The following DOCK5 variants were observed in gnomAD, a reference collection of about 807,000 sequenced individuals.
DOCK5 encodes the protein dedicator of cytokinesis protein 5.
Under a neutral mutation model 251.8 loss-of-function variants are expected in DOCK5, and 142 were observed. The observed-to-expected ratio is 0.56, with a 90% CI of 0.49 to 0.65. The LOEUF (loss-of-function observed/expected upper bound fraction) is 0.65. Ranked by LOEUF, DOCK5 falls within the 30% of genes least tolerant of loss-of-function variation. The pLI, the probability that DOCK5 is intolerant of heterozygous loss-of-function variation, is 0.00. For synonymous variants in DOCK5, 842 were observed against 835.5 expected, an observed-to-expected ratio of 1.01 and a Z score of -0.13; for missense variants, 2,111 against 2,312.3, an observed-to-expected ratio of 0.91 and a Z score of 1.79.
At chr8:25,287,225 G>A (rs79406778) in intron 5 of DOCK5, among the ~76,000 whole-genome samples, 5,429 of 152,220 alleles carry the variant, frequency 0.036, 341 homozygotes, top group African/African-American at 0.12. Flanking sequence ...TCAGAAGTTC[G>A]AGGCCAGCCT....
At chr8:25,390,111 G>A (rs1395731391) in intron 41 of DOCK5, 95 bp from the exon 42 acceptor site, 1 of 1,009,702 alleles carries the variant, frequency 9.9e-7, no homozygotes, top group Non-Finnish European at 1.4e-6. Flanking sequence ...TGGTGCTGGT[G>A]GCATTTCCGG....
At chr8:25,292,558 A>G (rs1232261856) in intron 6 of DOCK5, among the ~76,000 whole-genome samples, 2 of 152,180 alleles carry the variant, frequency 1.3e-5, no homozygotes, top group African/African-American at 2.4e-5. Flanking sequence ...GAACCAGCCC[A>G]GACAACATAG....
intron 27 of DOCK5, among the ~76,000 whole-genome samples, chr8:25,357,404 G>C (rs936589477): frequency 2.3e-5 from 3 of 131,670 alleles, no homozygotes; most frequent in Non-Finnish European, 1.6e-5. Flanking sequence ...TTTGAGACAG[G>C]CTCTGGCTCT....
In DOCK5 at chr8:25,391,969, A is replaced by C. The variant is rs1003190580; in HGVS notation, c.4429A>C (p.Asn1477His). Residue 1477 changes from asparagine (N) to histidine (H), a missense_variant, in exon 43 of 52, where the codon AAT becomes CAT. Coordinates refer to ENST00000276440, the MANE Select transcript of DOCK5 (RefSeq NM_024940.8). ...CCGGAAAGGAGAAAAGGATCCAGAC[A>C]ATGAATTTGCTGTGAGTTCACCCCT... is the stretch of plus-strand genomic sequence containing the variant. Reference protein sequence around the residue: ...PFRKGEKDPDNEFATMWIERT... With the variant: ...PFRKGEKDPDHEFATMWIERT... 2.5e-6 allele frequency: 4 copies of C among 1,613,732 alleles called. No individual in the cohort carries two copies. Among genetic ancestry groups the C allele is most frequent in the Non-Finnish European group, 3.4e-6 (4 of 1,179,766 alleles).
intron 13 of DOCK5, among the ~76,000 whole-genome samples, chr8:25,316,304 A>AC (rs1208867317): frequency 2.0e-5 from 3 of 152,022 alleles, no homozygotes; most frequent in Non-Finnish European, 4.4e-5. Context: ...ATGTAGTGAG[A>AC]CCCCTTCTCT....
At chr8:25,396,762 CCGTGTGTGTGTGTGTG>C (rs1363060618) in intron 45 of DOCK5, among the ~76,000 whole-genome samples, 1 of 87,244 alleles carries the variant, frequency 1.1e-5, no homozygotes, top group Non-Finnish European at 2.4e-5. Flanking sequence ...ACTCTTGTGT[CCGTGTGTGTGTGTGTG>C]TGTGTGTGTG....
chr8:25,232,717 T>A (rs1350313169), intron 1 of DOCK5, among the ~76,000 whole-genome samples: 1 of 152,144 alleles, frequency 6.6e-6, no homozygotes, highest in Non-Finnish European at 1.5e-5. Flanking sequence ...AAAGCCCACC[T>A]CCTAATACCT....
chr8:25,268,921 A>G (rs1222613458), intron 3 of DOCK5, 36 bp downstream of exon 3: 1 of 1,508,358 alleles, frequency 6.6e-7, no homozygotes, highest in East Asian at 2.5e-5. Context: ...TTTCATTTGA[A>G]ATCTGTCTGC....
intron 4 of DOCK5, 89 bp from the exon 5 acceptor site, chr8:25,278,480 A>C (rs1214994603): frequency 7.6e-7 from 1 of 1,314,662 alleles, no homozygotes; most frequent in African/African-American, 1.5e-5. Context: ...CTTCATTCTC[A>C]ACCTTGAACG....
intron 1 of DOCK5, among the ~76,000 whole-genome samples, chr8:25,217,045 C>CATG (rs1554518257): frequency 1.4e-5 from 2 of 143,134 alleles, no homozygotes; most frequent in Non-Finnish European, 3.0e-5. Flanking sequence ...TATGTGTATA[C>CATG]ATGTATAGAT....
chr8:25,262,310 A>T (rs1185666756), intron 2 of DOCK5, among the ~76,000 whole-genome samples: 1 of 152,052 alleles, frequency 6.6e-6, no homozygotes, highest in Non-Finnish European at 1.5e-5. Context: ...AGTAAAATTC[A>T]CCGTTTTTAG....
chr8:25,347,005 C>G (rs979607576), intron 26 of DOCK5, among the ~76,000 whole-genome samples: 13 of 152,178 alleles, frequency 8.5e-5, no homozygotes, highest in Admixed American at 4.6e-4. Context: ...ATTATAGTTA[C>G]CACGTCTATG....
intron 1 of DOCK5, among the ~76,000 whole-genome samples, chr8:25,235,944 C>A (rs367982130): frequency 6.6e-6 from 1 of 151,736 alleles, no homozygotes; most frequent in South Asian, 2.1e-4. Flanking sequence ...ATAACAGGTG[C>A]GTGCTGCCAT....
In DOCK5 at chr8:25,317,036, C is replaced by A; in HGVS notation, c.1348C>A (p.Leu450Met). 6.2e-7 allele frequency: 1 copy of A among 1,613,914 alleles called. No homozygotes were observed. Among genetic ancestry groups the A allele is most frequent in the Non-Finnish European group, 8.5e-7 (1 of 1,179,846 alleles). The change falls in exon 14 of 52, where the codon CTG becomes ATG. Residue 450 changes from leucine to methionine, a missense_variant. Transcript: ENST00000276440. ...TGTTCGGAATGACATTTATGTCACC[C>A]TGATCCACGGTGAGTTTGACAAAGG... is the stretch of plus-strand genomic sequence containing the variant. ...GDVRNDIYVTLIHGEFDKGKK... is the reference protein window; with the variant it reads ...GDVRNDIYVTMIHGEFDKGKK...
intron 21 of DOCK5, among the ~76,000 whole-genome samples, 198 bp from the exon 22 acceptor site, chr8:25,336,041 G>A (rs553840754): frequency 1.3e-5 from 2 of 152,300 alleles, no homozygotes; most frequent in Non-Finnish European, 2.9e-5. Context: ...TCAGCAGAAG[G>A]TAGTTCCAAA....
chr8:25,333,231 G>C (rs577922807), intron 20 of DOCK5, among the ~76,000 whole-genome samples: 2 of 152,332 alleles, frequency 1.3e-5, no homozygotes, highest in African/African-American at 4.8e-5. Flanking sequence ...GGAAGAAGCT[G>C]AAAGGCTCAA....
At chr8:25,404,210 G>A (rs1053472393) in intron 48 of DOCK5, among the ~76,000 whole-genome samples, 3 of 151,918 alleles carry the variant, frequency 2.0e-5, no homozygotes, top group Non-Finnish European at 2.9e-5. Flanking sequence ...GTAATTATGT[G>A]TTCTTCCCCA....
At chr8:25,242,898 T>C (rs979436978) in intron 1 of DOCK5, among the ~76,000 whole-genome samples, 4 of 152,200 alleles carry the variant, frequency 2.6e-5, no homozygotes, top group Non-Finnish European at 5.9e-5. Context: ...CATCAGATAC[T>C]GTGCCATGGA....
chr8:25,353,327 A>G (rs1800504924), intron 27 of DOCK5, among the ~76,000 whole-genome samples: 1 of 152,160 alleles, frequency 6.6e-6, no homozygotes, highest in African/African-American at 2.4e-5. Flanking sequence ...GTGACTGAGT[A>G]AGACCCTGTT....
Sources: allele counts gnomAD v4.1 joint callset (sites outside exome capture counted in the v4.1 genomes callset), GRCh38; gene constraint gnomAD v4.1.1; transcripts MANE v1.5; gene names NCBI Gene and HGNC (gene_info 2026-07-23, HGNC 2026-07-21).